SORCS1: variants seen among roughly 807,000 people sequenced by gnomAD.
SORCS1 encodes the protein VPS10 domain-containing receptor SorCS1.
Under a neutral mutation model 146.1 loss-of-function variants are expected in SORCS1, and 60 were observed. The ratio of observed to expected loss-of-function variants is 0.41; its 90% CI spans 0.33 to 0.51. SORCS1 has a LOEUF of 0.51. SORCS1 is among the 20% of genes least tolerant of loss of function. The probability of loss-of-function intolerance (pLI) is 0.21; values close to 1 mark genes in which losing one functional copy is unlikely to be tolerated. For missense variants in SORCS1, 1,352 were observed against 1,487.6 expected (o/e 0.91, Z 1.50); for synonymous variants, 637 against 584.0 (o/e 1.09, Z -1.31).
chr10:106,692,369 G>GT (rs770739341), intron 9 of SORCS1, among the ~76,000 whole-genome samples: 23 of 151,984 alleles, frequency 1.5e-4, no homozygotes, highest in African/African-American at 3.6e-4. Flanking sequence ...GCCAGCCCCT[G>GT]TTTTTTTTCC....
chr10:106,951,482 A>G (rs920016563), intron 2 of SORCS1, among the ~76,000 whole-genome samples: 1 of 147,358 alleles, frequency 6.8e-6, no homozygotes, highest in African/African-American at 2.5e-5. Flanking sequence ...ACTGCACTCC[A>G]GCCTGGGTGA....
chr10:106,725,930 C>G (rs60552686), intron 6 of SORCS1, among the ~76,000 whole-genome samples: 347 of 17,920 alleles, frequency 0.019, no homozygotes, highest in African/African-American at 0.05. Flanking sequence ...GACTCTGTCT[C>G]AGGAAAAAAA....
At chr10:106,703,896 A>AT (rs986901621) in intron 8 of SORCS1, among the ~76,000 whole-genome samples, 5 of 152,136 alleles carry the variant, frequency 3.3e-5, no homozygotes, top group African/African-American at 1.2e-4. Context: ...ACTAGCCCCT[A>AT]TTTTTTCTGG....
In SORCS1 at chr10:106,699,393, C is replaced by T. The variant is rs1853959215; in HGVS notation, c.1234G>A (p.Asp412Asn). The T allele has an allele frequency of 6.2e-7, 1 of 1,606,796 alleles. No individual in the cohort carries two copies. Among genetic ancestry groups the T allele is most frequent in the Non-Finnish European group, 8.5e-7 (1 of 1,176,466 alleles). Residue 412 changes from aspartate (D) to asparagine (N), a missense_variant and splice_region_variant, in exon 9 of 26, where the codon GAC becomes AAC. Asp to Asn is a conservative substitution (Grantham distance 23). This residue lies in a region of SORCS1 where 648 missense variants were observed against 793.8 expected (regional missense o/e 0.82). Transcript: ENST00000263054. ...MKLPKYALPK[D>N]MHVISTDENQ... is the part of the protein sequence containing the mutation. ...TCATCGGTGCTGATAACATGCATGTCCTGTGAAAAGACACAAGGTCGTGAA... is the reference window on the plus strand; with the variant it reads ...TCATCGGTGCTGATAACATGCATGTTCTGTGAAAAGACACAAGGTCGTGAA...
At chr10:106,716,973 G>A (rs12269067) in intron 6 of SORCS1, among the ~76,000 whole-genome samples, 5,508 of 152,132 alleles carry the variant, frequency 0.036, 296 homozygotes, top group African/African-American at 0.12. Context: ...ATATATTACA[G>A]GTCTCTGGGA....
At chr10:107,011,924 G>T (rs1202126506) in intron 1 of SORCS1, among the ~76,000 whole-genome samples, 2 of 152,146 alleles carry the variant, frequency 1.3e-5, no homozygotes, top group Non-Finnish European at 2.9e-5. Context: ...TTTTATATTT[G>T]TAAGGACTGG....
chr10:107,001,345 G>T (rs1957210618), intron 1 of SORCS1, among the ~76,000 whole-genome samples: 1 of 152,256 alleles, frequency 6.6e-6, no homozygotes, highest in African/African-American at 2.4e-5. Flanking sequence ...GGGAAATGTA[G>T]GATGAGGCAC....
chr10:106,907,315 A>C (rs1419811295), intron 2 of SORCS1, among the ~76,000 whole-genome samples: 1 of 152,242 alleles, frequency 6.6e-6, no homozygotes, highest in African/African-American at 2.4e-5. Context: ...ACATATTAAA[A>C]TAATATAGAT....
chr10:106,782,961 A>C (rs367842617), intron 3 of SORCS1, among the ~76,000 whole-genome samples: 67 of 152,342 alleles, frequency 4.4e-4, no homozygotes, highest in African/African-American at 1.6e-3. Flanking sequence ...ATAGAAAAGA[A>C]GGGAGTGTGC....
At chr10:107,014,540 AC>A (rs1215672426) in intron 1 of SORCS1, among the ~76,000 whole-genome samples, 19 of 152,176 alleles carry the variant, frequency 1.2e-4, no homozygotes, top group African/African-American at 4.6e-4. Context: ...CCAAAATGGA[AC>A]CGAATTCCCT....
chr10:106,773,117 T>A (rs1265608708), intron 4 of SORCS1, among the ~76,000 whole-genome samples: 1 of 152,192 alleles, frequency 6.6e-6, no homozygotes, highest in African/African-American at 2.4e-5. Context: ...TCACCACAAT[T>A]TGATGTAAAA....
At chr10:106,822,488 A>G (rs1429446516) in intron 3 of SORCS1, among the ~76,000 whole-genome samples, 2 of 152,198 alleles carry the variant, frequency 1.3e-5, no homozygotes, top group Non-Finnish European at 2.9e-5. Flanking sequence ...TCTGTAGCTC[A>G]TTTGAAACCC....
intron 1 of SORCS1, among the ~76,000 whole-genome samples, chr10:107,044,702 A>G (rs1483990130): frequency 6.7e-6 from 1 of 150,034 alleles, no homozygotes; most frequent in Non-Finnish European, 1.5e-5. Context: ...GGGCGTCTGT[A>G]GTCCCAGCTA....
intron 2 of SORCS1, among the ~76,000 whole-genome samples, chr10:106,897,423 T>C (rs1372641416): frequency 6.6e-6 from 1 of 152,188 alleles, no homozygotes; most frequent in African/African-American, 2.4e-5. Flanking sequence ...TAGGATCCTC[T>C]ATCTTTCAGC....
intron 1 of SORCS1, among the ~76,000 whole-genome samples, chr10:106,967,641 T>C (rs1478559498): frequency 6.6e-6 from 1 of 152,134 alleles, no homozygotes; most frequent in Non-Finnish European, 1.5e-5. Context: ...AGAGCTGCAG[T>C]TGGAGGAAAC....
chr10:106,697,445 G>T (rs982950353), intron 9 of SORCS1, among the ~76,000 whole-genome samples: 5 of 117,764 alleles, frequency 4.2e-5, no homozygotes, highest in African/African-American at 1.4e-4. Context: ...GACAGAGTGA[G>T]ACTCCATCTC....
At chr10:106,744,463 T>C (rs1295933553) in intron 5 of SORCS1, among the ~76,000 whole-genome samples, 4 of 152,184 alleles carry the variant, frequency 2.6e-5, no homozygotes, top group African/African-American at 9.7e-5. Flanking sequence ...AATATCTGTA[T>C]GTGTCTCTAA....
intron 6 of SORCS1, among the ~76,000 whole-genome samples, chr10:106,721,308 C>T (rs1015513067): frequency 4.6e-5 from 7 of 151,948 alleles, no homozygotes; most frequent in South Asian, 2.1e-4. Context: ...CTATGAAATG[C>T]GGGGTCTAAT....
At chr10:106,965,284 T>A (rs1170718197) in intron 1 of SORCS1, among the ~76,000 whole-genome samples, 1 of 152,052 alleles carries the variant, frequency 6.6e-6, no homozygotes, top group African/African-American at 2.4e-5. Context: ...GGGAAGAAAC[T>A]CTTTCCCAAA....
Sources: allele counts gnomAD v4.1 joint callset (sites outside exome capture counted in the v4.1 genomes callset), GRCh38; gene constraint gnomAD v4.1.1; regional missense constraint gnomAD v4.1.1; transcripts MANE v1.5; gene names NCBI Gene and HGNC (gene_info 2026-07-23, HGNC 2026-07-21).